The following RBFOX1 variants were observed in gnomAD, a reference collection of about 807,000 sequenced individuals.
RBFOX1 encodes RNA binding fox-1 homolog 1.
In RBFOX1, 8 loss-of-function variants were observed where a neutral mutation model predicts 57.7. That is an observed-to-expected ratio of 0.14 (90% confidence interval 0.08 to 0.25). The LOEUF (loss-of-function observed/expected upper bound fraction) is 0.25. Among genes scored for constraint, RBFOX1 ranks in the 10% least tolerant of loss-of-function variants. The pLI is 1.00. For missense variants in RBFOX1, 611 were observed against 548.5 expected, an observed-to-expected ratio of 1.11 and a Z score of -1.14; for synonymous variants, 326 against 222.4, an observed-to-expected ratio of 1.47 and a Z score of -4.15.
intron 3 of RBFOX1, among the ~76,000 whole-genome samples, chr16:6,903,899 C>T (rs1032607397): frequency 4.6e-5 from 7 of 152,110 alleles, no homozygotes; most frequent in African/African-American, 1.4e-4. Flanking sequence ...GCTTCTAGAT[C>T]AAGCTGCCAG....
intron 4 of RBFOX1, among the ~76,000 whole-genome samples, chr16:7,083,080 A>C (rs2059441239): frequency 6.6e-6 from 1 of 152,150 alleles, no homozygotes; most frequent in Non-Finnish European, 1.5e-5. Context: ...AGAAAATGTC[A>C]CTCTGCTCAT....
chr16:7,046,493 A>G (rs1283778544), intron 3 of RBFOX1, among the ~76,000 whole-genome samples: 1 of 151,956 alleles, frequency 6.6e-6, no homozygotes, highest in Non-Finnish European at 1.5e-5. Context: ...CAAGTTCAAT[A>G]CGTTAAATAT....
chr16:6,485,233 C>T (rs1328718476), intron 2 of RBFOX1, among the ~76,000 whole-genome samples: 1 of 152,126 alleles, frequency 6.6e-6, no homozygotes, highest in Non-Finnish European at 1.5e-5. Context: ...CACACGCTTC[C>T]CACACGTGTG....
At chr16:7,027,613 G>T (rs555220688) in intron 3 of RBFOX1, among the ~76,000 whole-genome samples, 45 of 152,240 alleles carry the variant, frequency 3.0e-4, no homozygotes, top group Admixed American at 8.5e-4. Flanking sequence ...GAACAAGAAT[G>T]CATAGAATTT....
At chr16:5,921,107 G>C (rs1482924971) in intron 4 of RBFOX1, among the ~76,000 whole-genome samples, 2 of 152,174 alleles carry the variant, frequency 1.3e-5, no homozygotes, top group African/African-American at 2.4e-5. Context: ...AAATATTACT[G>C]ATCTCCTGTT....
intron 1 of RBFOX1, among the ~76,000 whole-genome samples, chr16:5,427,740 C>G (rs1383381244): frequency 6.6e-6 from 1 of 152,186 alleles, no homozygotes; most frequent in Non-Finnish European, 1.5e-5. Flanking sequence ...AGAGGTCAGT[C>G]TTGTTTTGCT....
chr16:5,457,181 G>T (rs2068656044), intron 1 of RBFOX1, among the ~76,000 whole-genome samples: 1 of 152,108 alleles, frequency 6.6e-6, no homozygotes, highest in South Asian at 2.1e-4. Flanking sequence ...CTGCCACCCA[G>T]ACTGGAGTGC....
chr16:5,881,096 A>C (rs919890506), intron 4 of RBFOX1, among the ~76,000 whole-genome samples: 1 of 152,168 alleles, frequency 6.6e-6, no homozygotes, highest in African/African-American at 2.4e-5. Flanking sequence ...GTGAAAATCA[A>C]GTTTTATTTT....
intron 3 of RBFOX1, among the ~76,000 whole-genome samples, chr16:6,931,337 C>CTG (rs1419175284): frequency 9.1e-6 from 1 of 110,206 alleles, no homozygotes; most frequent in Admixed American, 9.0e-5. Flanking sequence ...ATCTATCTAT[C>CTG]TCTACACACA....
intron 2 of RBFOX1, among the ~76,000 whole-genome samples, chr16:5,553,318 A>ATTTT (rs148430095): frequency 1.4e-5 from 2 of 145,000 alleles, no homozygotes; most frequent in East Asian, 4.1e-4. Flanking sequence ...ATGTCTGAAT[A>ATTTT]TTTTTTTTTT....
chr16:7,124,030 C>G (rs929138097), intron 4 of RBFOX1, among the ~76,000 whole-genome samples: 1 of 152,082 alleles, frequency 6.6e-6, no homozygotes, highest in Admixed American at 6.6e-5. Flanking sequence ...ATTACTAGGT[C>G]AAAGGTTATG....
chr16:6,817,938 C>G (rs1282714239), intron 3 of RBFOX1, among the ~76,000 whole-genome samples: 3 of 152,272 alleles, frequency 2.0e-5, no homozygotes, highest in East Asian at 1.9e-4. Context: ...CTGTGTCTCT[C>G]TGTTGGGCTT....
At chr16:6,002,584 C>G (rs1004360129) in intron 4 of RBFOX1, among the ~76,000 whole-genome samples, 4 of 152,160 alleles carry the variant, frequency 2.6e-5, no homozygotes, top group African/African-American at 9.7e-5. Flanking sequence ...GAGAAGAGAA[C>G]TCCATAATTG....
At chr16:6,611,310 C>G (rs1167499618) in intron 2 of RBFOX1, among the ~76,000 whole-genome samples, 1 of 152,120 alleles carries the variant, frequency 6.6e-6, no homozygotes, top group African/African-American at 2.4e-5. Context: ...CCACGCCTGG[C>G]TAATTTTTGT....
At chr16:5,566,633 T>G (rs1017698796) in intron 2 of RBFOX1, among the ~76,000 whole-genome samples, 1 of 147,404 alleles carries the variant, frequency 6.8e-6, no homozygotes, top group African/African-American at 2.5e-5. Flanking sequence ...TGTATATATG[T>G]GTATATGTGT....
chr16:6,433,486 T>C (rs1597180641), intron 2 of RBFOX1, among the ~76,000 whole-genome samples: 1 of 152,224 alleles, frequency 6.6e-6, no homozygotes, highest in Non-Finnish European at 1.5e-5. Flanking sequence ...AGGAGTGAGA[T>C]AGACTCGCTA....
chr16:5,927,648 C>T (rs1367998492), intron 4 of RBFOX1, among the ~76,000 whole-genome samples: 1 of 152,182 alleles, frequency 6.6e-6, no homozygotes. Context: ...TCTGCAGTCT[C>T]ATGTTCATTG....
intron 1 of RBFOX1, among the ~76,000 whole-genome samples, chr16:5,428,836 A>G (rs1247278673): frequency 6.6e-6 from 1 of 152,182 alleles, no homozygotes; most frequent in Non-Finnish European, 1.5e-5. Flanking sequence ...GTTGGGGACC[A>G]AGTGCTCAGG....
chr16:5,913,253 A>G (rs539490846), intron 4 of RBFOX1, among the ~76,000 whole-genome samples: 1 of 152,258 alleles, frequency 6.6e-6, no homozygotes, highest in African/African-American at 2.4e-5. Flanking sequence ...GGACTTATGT[A>G]TCTCCCCACC....
Sources: gnomAD v4.1 joint callset for allele counts (sites outside exome capture counted in the v4.1 genomes callset) on GRCh38, gnomAD v4.1.1 for gene constraint, MANE v1.5 for transcripts, NCBI Gene and HGNC (gene_info 2026-07-23, HGNC 2026-07-21) for gene names.